VKORC1L1: variants seen among roughly 807,000 people sequenced by gnomAD.
VKORC1L1 encodes vitamin K epoxide reductase complex subunit 1L1.
A neutral mutation model predicts 18.9 loss-of-function variants in VKORC1L1; 2 were observed. That is an observed-to-expected ratio of 0.11 (90% CI 0.04 to 0.33). VKORC1L1 has a LOEUF of 0.33. Ranked by LOEUF, VKORC1L1 falls within the 10% of genes least tolerant of loss-of-function variation. The pLI is 1.00. For synonymous variants in VKORC1L1, 96 were observed against 100.0 expected (o/e 0.96, Z 0.24); for missense variants, 123 against 224.1 (o/e 0.55, Z 2.88).
chr7:65,890,988 C>T (rs907902996), intron 1 of VKORC1L1, among the ~76,000 whole-genome samples: 13 of 152,136 alleles, frequency 8.5e-5, no homozygotes, highest in African/African-American at 3.1e-4. Flanking sequence ...ATTCTAACCA[C>T]ACTGTTTTGA....
intron 1 of VKORC1L1, among the ~76,000 whole-genome samples, chr7:65,893,307 T>A (rs1391242863): frequency 6.6e-6 from 1 of 152,220 alleles, no homozygotes; most frequent in African/African-American, 2.4e-5. Context: ...TTTGGGAGGC[T>A]GAGGCGGGCA....
At chr7:65,912,073 G>A (rs913010274) in intron 1 of VKORC1L1, among the ~76,000 whole-genome samples, 2 of 152,266 alleles carry the variant, frequency 1.3e-5, no homozygotes, top group Non-Finnish European at 2.9e-5. Context: ...GCAGTGAGCC[G>A]CTATTGCACC....
intron 1 of VKORC1L1, among the ~76,000 whole-genome samples, chr7:65,910,581 GAGTT>G (rs1231205306): frequency 6.6e-6 from 1 of 152,174 alleles, no homozygotes; most frequent in African/African-American, 2.4e-5. Flanking sequence ...CTGAGAAAAA[GAGTT>G]AGTTCTTCCT....
intron 1 of VKORC1L1, among the ~76,000 whole-genome samples, chr7:65,909,558 C>T (rs908013267): frequency 6.6e-6 from 1 of 152,080 alleles, no homozygotes; most frequent in African/African-American, 2.4e-5. Context: ...AGATTTGGTT[C>T]TATTACATTT....
At chr7:65,885,666 A>T (rs982960327) in intron 1 of VKORC1L1, among the ~76,000 whole-genome samples, 10 of 152,002 alleles carry the variant, frequency 6.6e-5, no homozygotes, top group Non-Finnish European at 1.3e-4. Flanking sequence ...ACTTGTTCAT[A>T]TTTCAAATGC....
chr7:65,880,625 TGTG>T (rs1788912090), intron 1 of VKORC1L1, among the ~76,000 whole-genome samples: 1 of 152,068 alleles, frequency 6.6e-6, no homozygotes, highest in Admixed American at 6.6e-5. Context: ...GGACCTGAGG[TGTG>T]GTGCTAGCTA....
intron 1 of VKORC1L1, among the ~76,000 whole-genome samples, chr7:65,884,365 A>G (rs1259039262): frequency 6.6e-6 from 1 of 152,150 alleles, no homozygotes; most frequent in Non-Finnish European, 1.5e-5. Context: ...ATGTCACAGC[A>G]GGGCACGGTG....
At position 65,955,275 on chromosome 7, in the gene VKORC1L1, A is replaced by T. The variant is rs1428795596; in HGVS notation, c.*975A>T. 6.6e-6 allele frequency: 1 copy of T among 152,208 alleles called. No individual in the cohort carries two copies. The highest frequency in any genetic ancestry group is 1.5e-5 in the Non-Finnish European group (1 of 68,052). 9.4% of individuals were successfully genotyped at this position (152,208 alleles called of 1,614,324 possible). On this transcript the variant is annotated 3_prime_UTR_variant, in exon 3 of 3. Coordinates refer to ENST00000360768, the MANE Select transcript of VKORC1L1 (RefSeq NM_173517.6). ...TAACGTTGGTGCCAGTCAAGCAAAG[A>T]GTATTATGATGGAAAAGACCAGTCC...
chr7:65,902,043 TG>T (rs1789326998), intron 1 of VKORC1L1, among the ~76,000 whole-genome samples: 1 of 152,198 alleles, frequency 6.6e-6, no homozygotes, highest in African/African-American at 2.4e-5. Flanking sequence ...CTTACCTGTG[TG>T]TGAGAACAAA....
chr7:65,941,103 TTC>T (rs1222621442), intron 1 of VKORC1L1, among the ~76,000 whole-genome samples: 1 of 152,006 alleles, frequency 6.6e-6, no homozygotes, highest in African/African-American at 2.4e-5. Context: ...GCTAGCAAAG[TTC>T]TATTTCTTTT....
At chr7:65,869,619 A>C (rs1386495892), upstream of VKORC1L1, among the ~76,000 whole-genome samples, 3 of 141,226 alleles carry the variant, frequency 2.1e-5, no homozygotes, top group Non-Finnish European at 4.6e-5. Flanking sequence ...CAGATAACAG[A>C]GGGCAAAACA....
chr7:65,936,625 G>T (rs1043150973), intron 1 of VKORC1L1, among the ~76,000 whole-genome samples: 23 of 152,200 alleles, frequency 1.5e-4, no homozygotes, highest in Admixed American at 7.2e-4. Flanking sequence ...AGACTTTGCT[G>T]TGCCTTTGGG....
intron 1 of VKORC1L1, among the ~76,000 whole-genome samples, chr7:65,945,428 G>A (rs546437408): frequency 6.6e-5 from 10 of 152,006 alleles, no homozygotes; most frequent in African/African-American, 9.6e-5. Flanking sequence ...TGGCTAACAC[G>A]GTGAAACCCC....
chr7:65,927,257 A>G (rs181939490), intron 1 of VKORC1L1, among the ~76,000 whole-genome samples: 2 of 152,296 alleles, frequency 1.3e-5, no homozygotes, highest in African/African-American at 2.4e-5. Context: ...ACTGCACTCC[A>G]GCCTGGGCAA....
Position 65,956,204 on chromosome 7 carries a change from T to G in VKORC1L1, c.*1904T>G, listed in dbSNP as rs961373716. 1.3e-5 allele frequency: 2 copies of G among 152,208 alleles called. No homozygotes were observed. Among genetic ancestry groups the G allele is most frequent in the Non-Finnish European group, 2.9e-5 (2 of 68,052 alleles). 9.4% of individuals were successfully genotyped at this position (152,208 alleles called of 1,614,324 possible). On this transcript the variant is annotated 3_prime_UTR_variant, in exon 3 of 3. Coordinates refer to ENST00000360768, the MANE Select transcript of VKORC1L1 (RefSeq NM_173517.6). Reference sequence around the variant, plus strand: ...CTATGGAGAAAGAAGTCCTCACGTTTGAGGGCTGTACAGTGAGGCCATCTT... The same window carrying G: ...CTATGGAGAAAGAAGTCCTCACGTTGGAGGGCTGTACAGTGAGGCCATCTT...
intron 1 of VKORC1L1, among the ~76,000 whole-genome samples, chr7:65,896,934 G>C (rs1789223554): frequency 6.6e-6 from 1 of 152,166 alleles, no homozygotes; most frequent in African/African-American, 2.4e-5. Flanking sequence ...GGGAGGTGGA[G>C]GTTGCAGTGA....
chr7:65,887,492 T>C (rs1173343180), intron 1 of VKORC1L1, among the ~76,000 whole-genome samples: 1 of 151,800 alleles, frequency 6.6e-6, no homozygotes, highest in Non-Finnish European at 1.5e-5. Context: ...TAGATCCTAA[T>C]TGTGCTATGG....
At chr7:65,900,161 G>A (rs1258723346) in intron 1 of VKORC1L1, among the ~76,000 whole-genome samples, 1 of 150,570 alleles carries the variant, frequency 6.6e-6, no homozygotes, top group African/African-American at 2.4e-5. Context: ...AGGCTGAGGT[G>A]GGCAGATCAC....
chr7:65,890,062 A>G (rs950649979), intron 1 of VKORC1L1, among the ~76,000 whole-genome samples: 57 of 151,602 alleles, frequency 3.8e-4, no homozygotes, highest in Non-Finnish European at 6.9e-4. Context: ...GGCTCAAGCA[A>G]TTCTCCTGCC....
Sources: allele counts gnomAD v4.1 joint callset (sites outside exome capture counted in the v4.1 genomes callset), GRCh38; gene constraint gnomAD v4.1.1; transcripts MANE v1.5; gene names NCBI Gene and HGNC (gene_info 2026-07-23, HGNC 2026-07-21).